The following LRMDA variants were observed in gnomAD, a reference collection of about 807,000 sequenced individuals.
The protein encoded by LRMDA is leucine rich melanocyte differentiation associated.
LRMDA carries 18 observed loss-of-function variants against 29.8 expected under a neutral mutation model. The ratio of observed to expected loss-of-function variants is 0.60; its 90% CI spans 0.42 to 0.90. The LOEUF (loss-of-function observed/expected upper bound fraction) is 0.90, where lower values mean the gene tolerates loss of function less well. Ranked by LOEUF, LRMDA falls within the 40% of genes least tolerant of loss-of-function variation. LRMDA has a pLI of 0.00. For synonymous variants in LRMDA, 125 were observed against 109.4 expected, an observed-to-expected ratio of 1.14 and a Z score of -0.89; for missense variants, 273 against 273.9, an observed-to-expected ratio of 1.00 and a Z score of 0.02.
chr10:76,216,996 A>G (rs1285691780), intron 5 of LRMDA, among the ~76,000 whole-genome samples: 9 of 152,214 alleles, frequency 5.9e-5, no homozygotes, highest in Non-Finnish European at 1.5e-5. Flanking sequence ...AAAGTGAAAA[A>G]CAAATATATT....
chr10:75,792,167 T>G (rs987492218), intron 2 of LRMDA, among the ~76,000 whole-genome samples: 6 of 152,018 alleles, frequency 3.9e-5, no homozygotes, highest in African/African-American at 1.2e-4. Flanking sequence ...ATCTTACTTA[T>G]TTTATCTGAA....
chr10:76,290,628 G>T (rs1042149554), intron 5 of LRMDA, among the ~76,000 whole-genome samples: 1 of 151,772 alleles, frequency 6.6e-6, no homozygotes, highest in Non-Finnish European at 1.5e-5. Context: ...CACCATGTTG[G>T]CCAGGCTGGT....
chr10:76,262,356 A>G (rs939909786), intron 5 of LRMDA, among the ~76,000 whole-genome samples: 1 of 152,170 alleles, frequency 6.6e-6, no homozygotes, highest in Admixed American at 6.5e-5. Context: ...TGCTCCACTC[A>G]TGTACGCGCT....
At chr10:76,510,066 GTTGT>G (rs919624051) in intron 6 of LRMDA, among the ~76,000 whole-genome samples, 1 of 151,970 alleles carries the variant, frequency 6.6e-6, no homozygotes, top group Non-Finnish European at 1.5e-5. Flanking sequence ...CATTTTTGTT[GTTGT>G]TTGTTTGTTG....
At chr10:75,954,067 T>C (rs1846623708) in intron 2 of LRMDA, among the ~76,000 whole-genome samples, 1 of 152,180 alleles carries the variant, frequency 6.6e-6, no homozygotes, top group South Asian at 2.1e-4. Flanking sequence ...GGGCAGCTCC[T>C]AGAAGCAGAA....
chr10:75,859,345 G>A (rs1355544050), intron 2 of LRMDA, among the ~76,000 whole-genome samples: 2 of 152,094 alleles, frequency 1.3e-5, no homozygotes, highest in African/African-American at 4.8e-5. Context: ...TTTATGGAAA[G>A]TATTATTTGA....
intron 6 of LRMDA, among the ~76,000 whole-genome samples, chr10:76,473,685 A>G (rs1417421458): frequency 6.6e-6 from 1 of 151,674 alleles, no homozygotes; most frequent in Non-Finnish European, 1.5e-5. Flanking sequence ...TGCAGAATAC[A>G]AGACCAATGT....
intron 2 of LRMDA, among the ~76,000 whole-genome samples, chr10:76,013,773 T>C (rs1847827240): frequency 1.3e-5 from 2 of 151,984 alleles, no homozygotes; most frequent in African/African-American, 4.8e-5. Flanking sequence ...TTTCTTTCCT[T>C]TCAGAATGGA....
At chr10:75,919,687 A>G (rs920521003) in intron 2 of LRMDA, among the ~76,000 whole-genome samples, 1 of 152,176 alleles carries the variant, frequency 6.6e-6, no homozygotes, top group Non-Finnish European at 1.5e-5. Flanking sequence ...TGAAATCTTT[A>G]GGCATTCTGT....
At position 76,310,453 on chromosome 10, in the gene LRMDA, C is replaced by T. The variant is rs552581948; in HGVS notation, c.517-13948C>T. Reference sequence around the variant, plus strand: ...GGAATTTCAGGGCCTTTACATGACTCTTCTCCTGTTGCATAAGTCTCAAAA... The same window carrying T: ...GGAATTTCAGGGCCTTTACATGACTTTTCTCCTGTTGCATAAGTCTCAAAA... On this transcript the variant is annotated intron_variant, in intron 5 of 6. Coordinates refer to ENST00000611255, the MANE Select transcript of LRMDA (RefSeq NM_001305581.2). Among the ~76,000 whole-genome samples, 18 of 137,858 alleles carry T rather than the reference C, an allele frequency of 1.3e-4. No individual in the cohort carries two copies. In the South Asian group the frequency reaches 4.1e-3, roughly 31 times the overall value. The allele number at this position is 137,858 out of a possible 152,430, so 90.4% of individuals were successfully genotyped here.
Position 76,513,342 on chromosome 10 carries a change from C to T in LRMDA, c.602-43867C>T, listed in dbSNP as rs933375049. Among the ~76,000 whole-genome samples, 9 of 152,212 alleles carry T rather than the reference C, an allele frequency of 5.9e-5. 1 individual carries two copies. In the South Asian group the frequency reaches 1.0e-3, roughly 18 times the overall value. On this transcript the variant is annotated intron_variant, in intron 6 of 6. Transcript: ENST00000611255. ...CAATTTTTATTATATATTTTTAGTA[C>T]ATTTTAGATTTCTAATTGGATCAAA...
chr10:75,543,998 C>T lies in LRMDA; in HGVS notation c.131+105504C>T, dbSNP rs148607866. Among the ~76,000 whole-genome samples the T allele has an allele frequency of 2.7e-3, 411 of 152,274 alleles. 2 individuals are homozygous for T. The highest frequency in any genetic ancestry group is 9.3e-3 in the African/African-American group (388 of 41,544). ...TGTTTAAAGTTGGGGTCCCTCACCC[C>T]ACCTGTGTCCATCGTTTCACACCAA... On this transcript the variant is annotated intron_variant, in intron 2 of 6. Transcript: ENST00000611255.
At chr10:75,679,096 C>G (rs968123655) in intron 2 of LRMDA, among the ~76,000 whole-genome samples, 1 of 152,140 alleles carries the variant, frequency 6.6e-6, no homozygotes, top group Admixed American at 6.5e-5. Context: ...CCTTCTGAAG[C>G]AATCTGTTCT....
chr10:75,753,327 T>C (rs907390794), intron 2 of LRMDA, among the ~76,000 whole-genome samples: 8 of 152,108 alleles, frequency 5.3e-5, no homozygotes, highest in African/African-American at 1.9e-4. Flanking sequence ...AGGAGACAGG[T>C]GATAGATAAA....
At chr10:76,123,442 G>A (rs1849825049) in intron 5 of LRMDA, among the ~76,000 whole-genome samples, 3 of 152,052 alleles carry the variant, frequency 2.0e-5, no homozygotes, top group African/African-American at 7.2e-5. Context: ...CTGGGAGGTC[G>A]AGGCTGCAGT....
chr10:75,640,569 C>T (rs1381100256), intron 2 of LRMDA, among the ~76,000 whole-genome samples: 1 of 152,110 alleles, frequency 6.6e-6, no homozygotes, highest in Non-Finnish European at 1.5e-5. Flanking sequence ...TCGAATTATG[C>T]ATTGTTGCCA....
At chr10:76,399,758 CTT>C (rs1210302651) in intron 6 of LRMDA, among the ~76,000 whole-genome samples, 1 of 152,174 alleles carries the variant, frequency 6.6e-6, no homozygotes, top group African/African-American at 2.4e-5. Context: ...TCTCCCTTGT[CTT>C]TACTTCCCAC....
chr10:75,680,659 C>T (rs1286700108), intron 2 of LRMDA, among the ~76,000 whole-genome samples: 1 of 151,888 alleles, frequency 6.6e-6, no homozygotes, highest in African/African-American at 2.4e-5. Context: ...ATTCCATATA[C>T]CTCCACGAGG....
intron 2 of LRMDA, among the ~76,000 whole-genome samples, chr10:75,679,231 T>G (rs1841996565): frequency 6.6e-6 from 1 of 152,254 alleles, no homozygotes; most frequent in Admixed American, 6.5e-5. Context: ...CTTGTTTTTC[T>G]TTTCTAAAAC....
Sources: gnomAD v4.1 joint callset for allele counts (sites outside exome capture counted in the v4.1 genomes callset) on GRCh38, gnomAD v4.1.1 for gene constraint, MANE v1.5 for transcripts, NCBI Gene and HGNC (gene_info 2026-07-23, HGNC 2026-07-21) for gene names.